Variants in NME7 observed in about 807,000 individuals in gnomAD.
NME7 encodes the protein NME/NM23 family member 7.
NME7 carries 41 observed loss-of-function variants against 49.1 expected under a neutral mutation model. That is an observed-to-expected ratio of 0.83 (90% CI 0.65 to 1.08). NME7 has a LOEUF of 1.08. Among genes scored for constraint, NME7 ranks in the 50% least tolerant of loss-of-function variants. The pLI, the probability that NME7 is intolerant of heterozygous loss-of-function variation, is 0.00. For missense variants in NME7, 423 were observed against 463.4 expected, an observed-to-expected ratio of 0.91 and a Z score of 0.80; for synonymous variants, 139 against 150.6, an observed-to-expected ratio of 0.92 and a Z score of 0.56.
At chr1:169,224,442 G>C (rs560973698) in intron 10 of NME7, among the ~76,000 whole-genome samples, 1 of 152,124 alleles carries the variant, frequency 6.6e-6, no homozygotes, top group East Asian at 1.9e-4. Context: ...GCTGTCTTCA[G>C]GTGTGGATGC....
intron 5 of NME7, among the ~76,000 whole-genome samples, chr1:169,299,161 C>T (rs774483804): frequency 3.3e-5 from 5 of 152,034 alleles, no homozygotes; most frequent in Non-Finnish European, 5.9e-5. Context: ...GGGATGGATG[C>T]CTTGTAACAT....
At chr1:169,223,943 C>T (rs566389110) in intron 10 of NME7, among the ~76,000 whole-genome samples, 1 of 152,252 alleles carries the variant, frequency 6.6e-6, no homozygotes, top group African/African-American at 2.4e-5. Flanking sequence ...GCAGTTTTCT[C>T]ATTTTCTGTA....
At chr1:169,333,630 C>T (rs769716403) in intron 1 of NME7, among the ~76,000 whole-genome samples, 56 of 151,358 alleles carry the variant, frequency 3.7e-4, no homozygotes, top group Non-Finnish European at 7.8e-4. Flanking sequence ...CTACTATGTA[C>T]CCATAAACAT....
intron 11 of NME7, among the ~76,000 whole-genome samples, chr1:169,146,894 C>T (rs1006529540): frequency 1.3e-5 from 2 of 152,198 alleles, no homozygotes; most frequent in African/African-American, 4.8e-5. Flanking sequence ...GGAGAAAGTA[C>T]TTGTGATTTT....
chr1:169,145,192 G>T (rs897569357), intron 11 of NME7, among the ~76,000 whole-genome samples: 2 of 152,182 alleles, frequency 1.3e-5, no homozygotes, highest in African/African-American at 2.4e-5. Flanking sequence ...TCCAAGCAAA[G>T]AAATTATTTT....
intron 1 of NME7, among the ~76,000 whole-genome samples, chr1:169,340,997 G>A (rs1464758419): frequency 6.6e-6 from 1 of 152,216 alleles, no homozygotes; most frequent in Non-Finnish European, 1.5e-5. Flanking sequence ...CCATTTTCTA[G>A]GGAGGAATTC....
At chr1:169,312,587 C>A (rs1417317321) in intron 3 of NME7, among the ~76,000 whole-genome samples, 4 of 152,174 alleles carry the variant, frequency 2.6e-5, no homozygotes, top group African/African-American at 9.7e-5. Flanking sequence ...GTATGGCCAG[C>A]CTTCACGAAC....
chr1:169,298,391 A>C (rs1396057168), intron 6 of NME7, among the ~76,000 whole-genome samples, 165 bp downstream of exon 6: 1 of 152,200 alleles, frequency 6.6e-6, no homozygotes, highest in Non-Finnish European at 1.5e-5. Flanking sequence ...CAAAGGAGAC[A>C]CACTGAATCA....
At chr1:169,143,931 T>G (rs762887534) in intron 11 of NME7, among the ~76,000 whole-genome samples, 23 of 152,184 alleles carry the variant, frequency 1.5e-4, no homozygotes, top group Non-Finnish European at 2.5e-4. Flanking sequence ...TACGGACCAT[T>G]TCCCCCCCAG....
chr1:169,239,586 T>C (rs1647997832), intron 7 of NME7, among the ~76,000 whole-genome samples: 2 of 152,018 alleles, frequency 1.3e-5, no homozygotes, highest in African/African-American at 2.4e-5. Context: ...ATCTTGAGGA[T>C]GCAGCATATC....
At chr1:169,141,169 ATAGT>A (rs373096086) in intron 11 of NME7, among the ~76,000 whole-genome samples, 132 of 152,314 alleles carry the variant, frequency 8.7e-4, no homozygotes, top group African/African-American at 1.7e-3. Flanking sequence ...ACTGTCCTAG[ATAGT>A]TAGTCAAAGT....
chr1:169,341,774 A>G (rs969789275), intron 1 of NME7, among the ~76,000 whole-genome samples: 1 of 152,168 alleles, frequency 6.6e-6, no homozygotes, highest in South Asian at 2.1e-4. Context: ...GAATTAAAAA[A>G]AAATTTTTTT....
rs959965302 is a variant in NME7 at position 169,273,921 on chromosome 1, T to C, written c.754+13382A>G. Among the ~76,000 whole-genome samples the C allele has an allele frequency of 3.1e-5, 4 of 130,408 alleles. 1 individual carries two copies. The highest frequency in any genetic ancestry group is 7.2e-5 in the Non-Finnish European group (4 of 55,766). 85.6% of individuals were successfully genotyped at this position (130,408 alleles called of 152,430 possible). A position where few individuals can be genotyped will look rare whatever the true frequency, so the allele number is the denominator to read the frequency against. On this transcript the variant is annotated intron_variant, in intron 7 of 11. Transcript: ENST00000367811. ...ATTGTGAATAGTGCCGCAATAAACA[T>C]ACGTGTGCATGTGTCTTTATAGCAG...
At chr1:169,253,504 G>T (rs1317799679) in intron 7 of NME7, among the ~76,000 whole-genome samples, 1 of 152,074 alleles carries the variant, frequency 6.6e-6, no homozygotes, top group African/African-American at 2.4e-5. Context: ...CATGTCGCCT[G>T]CAAACAGGGA....
At chr1:169,194,556 T>C (rs559930216) in intron 10 of NME7, among the ~76,000 whole-genome samples, 86 of 152,316 alleles carry the variant, frequency 5.6e-4, no homozygotes, top group African/African-American at 2.0e-3. Context: ...ACTTTTTGTT[T>C]TCTGTTTCTG....
At chr1:169,242,161 A>T (rs1469323458) in intron 7 of NME7, among the ~76,000 whole-genome samples, 1 of 151,938 alleles carries the variant, frequency 6.6e-6, no homozygotes, top group East Asian at 1.9e-4. Flanking sequence ...AAATTTTATA[A>T]ATTTAGCAAC....
At chr1:169,198,950 A>C (rs1048683450) in intron 10 of NME7, among the ~76,000 whole-genome samples, 3 of 152,146 alleles carry the variant, frequency 2.0e-5, no homozygotes, top group Admixed American at 6.5e-5. Flanking sequence ...GAAAGAATTA[A>C]ATTACCAGAC....
Position 169,360,075 on chromosome 1 carries a change from T to C in NME7, c.3+7633A>G, listed in dbSNP as rs116270508. On this transcript the variant is annotated intron_variant, in intron 1 of 11. Coordinates refer to ENST00000367811, the MANE Select transcript of NME7 (RefSeq NM_013330.5). ...TCTGGAAAGTAAGATACTTCAATCA[T>C]ATGCTATAGCAGCATCAAGAAAGGT... Among the ~76,000 whole-genome samples the C allele has an allele frequency of 2.0e-3, 301 of 152,320 alleles. 4 individuals carry two copies. The highest frequency in any genetic ancestry group is 7.0e-3 in the African/African-American group (292 of 41,580).
intron 10 of NME7, among the ~76,000 whole-genome samples, chr1:169,193,028 T>C (rs1374138213): frequency 6.6e-6 from 1 of 152,136 alleles, no homozygotes; most frequent in Non-Finnish European, 1.5e-5. Flanking sequence ...AAGATCATGC[T>C]TGGCCAGGTG....
Sources: gnomAD v4.1 joint callset for allele counts (sites outside exome capture counted in the v4.1 genomes callset) on GRCh38, gnomAD v4.1.1 for gene constraint, MANE v1.5 for transcripts, NCBI Gene and HGNC (gene_info 2026-07-23, HGNC 2026-07-21) for gene names.